The following ZNF584 variants were observed in gnomAD, a reference collection of about 807,000 sequenced individuals.
ZNF584 encodes zinc finger protein 584.
ZNF584 carries 12 observed loss-of-function variants against 14.7 expected under a neutral mutation model. The observed-to-expected ratio is 0.82, with a 90% CI of 0.52 to 1.32. ZNF584 has a LOEUF of 1.32. Among genes scored for constraint, ZNF584 ranks in the 40% most tolerant of loss-of-function variants. The pLI is 0.00. For missense variants in ZNF584, 478 were observed against 518.8 expected, an observed-to-expected ratio of 0.92 and a Z score of 0.76; for synonymous variants, 204 against 190.9, an observed-to-expected ratio of 1.07 and a Z score of -0.57.
intron 2 of ZNF584, among the ~76,000 whole-genome samples, chr19:58,414,669 G>A (rs932024932): frequency 6.6e-6 from 1 of 152,050 alleles, no homozygotes; most frequent in African/African-American, 2.4e-5. Flanking sequence ...CTAGCAAATG[G>A]TATGTTCTGA....
At chr19:58,401,885 CAAAAAAA>C (rs781429177) in intron 1 of ZNF584, among the ~76,000 whole-genome samples, 1 of 67,038 alleles carries the variant, frequency 1.5e-5, no homozygotes, top group African/African-American at 6.8e-5. Flanking sequence ...TGAGACTCCT[CAAAAAAA>C]AAAAAAAAAA....
intron 2 of ZNF584, among the ~76,000 whole-genome samples, chr19:58,413,391 G>A (rs1358937218): frequency 2.0e-5 from 3 of 150,876 alleles, no homozygotes; most frequent in Admixed American, 6.6e-5. Flanking sequence ...TGTTGCCCAC[G>A]CTGGAATGCA....
At chr19:58,411,086 G>A (rs1290251564) in intron 2 of ZNF584, among the ~76,000 whole-genome samples, 1 of 151,584 alleles carries the variant, frequency 6.6e-6, no homozygotes, top group Non-Finnish European at 1.5e-5. Flanking sequence ...CACTGCGCCT[G>A]GCCACAAAGG....
Position 58,417,369 on chromosome 19 carries a change from C to T in ZNF584, c.851C>T (p.Thr284Ile). The T allele has an allele frequency of 6.2e-7, 1 of 1,613,966 alleles. No individual in the cohort carries two copies. Among genetic ancestry groups the T allele is most frequent in the Non-Finnish European group, 8.5e-7 (1 of 1,179,908 alleles). ...KCGKTFSVLS[T>I]LIRHRKVHIG... is the part of the protein sequence containing the mutation. Reference sequence around the variant, plus strand: ...GGTAAAACCTTCAGTGTTCTGTCTACCCTCATTCGGCACCGGAAAGTGCAC... The same window carrying T: ...GGTAAAACCTTCAGTGTTCTGTCTATCCTCATTCGGCACCGGAAAGTGCAC... Residue 284 changes from threonine to isoleucine, a missense_variant, in exon 4 of 4, where the codon ACC (threonine) becomes ATC (isoleucine). By Grantham distance (89) the Thr-to-Ile change is moderately conservative. Around this residue, in one of 3 missense-constraint regions of ZNF584, gnomAD observed 283 missense variants for 317.3 expected, o/e 0.89. Transcript: ENST00000306910.
intron 2 of ZNF584, among the ~76,000 whole-genome samples, chr19:58,415,058 GA>G (rs1160552802): frequency 3.5e-5 from 4 of 113,308 alleles, no homozygotes; most frequent in African/African-American, 1.1e-4. Context: ...ACATCCGCCT[GA>G]TTTTTTTGTA....
Position 58,418,067 on chromosome 19 carries a change from G to T in ZNF584, c.*283G>T. On this transcript the variant is annotated 3_prime_UTR_variant, in exon 4 of 4. Coordinates refer to ENST00000306910, the MANE Select transcript of ZNF584 (RefSeq NM_173548.3). Reference sequence around the variant, plus strand: ...TGGGACAGCAGACCTTGTGCTCCTTGCTCTAAACAGTAGAGAATCGTTAAT... The same window carrying T: ...TGGGACAGCAGACCTTGTGCTCCTTTCTCTAAACAGTAGAGAATCGTTAAT... The T allele has an allele frequency of 2.3e-6, 1 of 430,180 alleles. No homozygotes were observed. The highest frequency in any genetic ancestry group is 4.2e-6 in the Non-Finnish European group (1 of 237,952). 26.6% of individuals were successfully genotyped at this position (430,180 alleles called of 1,614,324 possible). A position where few individuals can be genotyped will look rare whatever the true frequency, so the allele number is the denominator to read the frequency against.
At position 58,417,571 on chromosome 19, in the gene ZNF584, A is replaced by C; in HGVS notation, c.1053A>C (p.Glu351Asp). 1 of 1,614,218 alleles carries C rather than the reference A, an allele frequency of 6.2e-7. No homozygotes were observed. Among genetic ancestry groups the C allele is most frequent in the Non-Finnish European group, 8.5e-7 (1 of 1,180,034 alleles). The change falls in exon 4 of 4, where the codon GAA (glutamate) becomes GAC (aspartate). Residue 351 changes from glutamate (E) to aspartate (D), a missense_variant. Transcript: ENST00000306910. The stretch of plus-strand genomic sequence containing the variant: ...AGCACTGGAAAGTCCACACTGGGGA[A>C]CGGCCCTATGAATGTAGCCTGTGTG... The part of the protein sequence containing the change: ...LYQHWKVHTG[E>D]RPYECSLCGK...
At chr19:58,416,562 C>T (rs536174809) in intron 3 of ZNF584, 2 of 336,990 alleles carry the variant, frequency 5.9e-6, no homozygotes, top group Non-Finnish European at 1.1e-5. Flanking sequence ...ATCACCACAC[C>T]CGGCTAATTT....
Position 58,415,518 on chromosome 19 carries a change from C to G in ZNF584, c.170-6C>G. 2 of 1,609,682 alleles carry G rather than the reference C, an allele frequency of 1.2e-6. No individual in the cohort carries two copies. The highest frequency in any genetic ancestry group is 1.7e-6 in the Non-Finnish European group (2 of 1,176,594). On this transcript the variant is annotated splice_region_variant and splice_polypyrimidine_tract_variant and intron_variant, in intron 2 of 3. Transcript: ENST00000306910. ...GCCTGTTTCTTTTACTACCTGTCAC[C>G]CGCAGGACTTGCACCTTCGAGATCC...
Position 58,415,506 on chromosome 19 carries a change from A to G in ZNF584, c.170-18A>G, listed in dbSNP as rs1156484990. On this transcript the variant is annotated intron_variant, in intron 2 of 3. Transcript: ENST00000306910. ...CCACCATGCCCAGCCTGTTTCTTTT[A>G]CTACCTGTCACCCGCAGGACTTGCA... The G allele has an allele frequency of 1.2e-6, 2 of 1,604,646 alleles. No individual in the cohort carries two copies. The highest frequency in any genetic ancestry group is 2.7e-5 in the African/African-American group (2 of 74,716).
Position 58,409,013 on chromosome 19 carries a change from C to G in ZNF584, c.-135C>G, listed in dbSNP as rs1403005282. On this transcript the variant is annotated 5_prime_UTR_variant, in exon 1 of 4. Coordinates refer to ENST00000306910, the MANE Select transcript of ZNF584 (RefSeq NM_173548.3). ...CCCAGCGGCTCCGGGAAGCGGTTCCCTGTCTTCGGACGCATTTCACCCGCG... is the reference window on the plus strand; with the variant it reads ...CCCAGCGGCTCCGGGAAGCGGTTCCGTGTCTTCGGACGCATTTCACCCGCG... 3.4e-6 allele frequency: 4 copies of G among 1,177,352 alleles called. No homozygotes were observed. In the South Asian group the frequency reaches 7.0e-5, roughly 21 times the overall value. 72.9% of individuals were successfully genotyped at this position (1,177,352 alleles called of 1,614,324 possible). A position where few individuals can be genotyped will look rare whatever the true frequency, so the allele number is the denominator to read the frequency against.
chr19:58,401,626 A>AC (rs900116605), exon 1 of ZNF584: 3 of 151,734 alleles, frequency 2.0e-5, no homozygotes, highest in African/African-American at 7.3e-5. Flanking sequence ...AGGCTGCGGG[A>AC]CCCCAGGATG....
chr19:58,411,106 C>G (rs115001274), intron 2 of ZNF584, among the ~76,000 whole-genome samples: 1 of 151,516 alleles, frequency 6.6e-6, no homozygotes, highest in Non-Finnish European at 1.5e-5. Context: ...GTACTTCTTT[C>G]GTTAAATTTA....
chr19:58,404,560 A>C (rs368932885), upstream of ZNF584: 5 of 184,598 alleles, frequency 2.7e-5, no homozygotes, highest in South Asian at 3.5e-4. Context: ...GTAAGGTCAC[A>C]GATCAACAGG....
At chr19:58,403,495 C>A (rs1276054730) in intron 1 of ZNF584, among the ~76,000 whole-genome samples, 1 of 127,880 alleles carries the variant, frequency 7.8e-6, no homozygotes, top group Non-Finnish European at 1.6e-5. Flanking sequence ...AAAGCAGTGA[C>A]TGCCAGGGAC....
chr19:58,401,763 C>T (rs1288062166), intron 1 of ZNF584: 1 of 150,688 alleles, frequency 6.6e-6, no homozygotes, highest in Non-Finnish European at 1.5e-5. Flanking sequence ...GTCCCCGGCC[C>T]CGCGGGCTTA....
upstream of ZNF584, chr19:58,404,970 C>G (rs377112818): frequency 6.7e-6 from 1 of 148,942 alleles, no homozygotes; most frequent in Admixed American, 6.8e-5. Flanking sequence ...ACCTCCCGGA[C>G]GGGGTGGCTG....
chr19:58,404,099 C>T (rs147382840), upstream of ZNF584: 2 of 152,362 alleles, frequency 1.3e-5, no homozygotes, highest in East Asian at 3.9e-4. Flanking sequence ...TGGAATCAAA[C>T]TGTAGCACTG....
intron 1 of ZNF584, among the ~76,000 whole-genome samples, chr19:58,403,451 GACATTCTGGA>G (rs1321250626): frequency 7.2e-6 from 1 of 138,102 alleles, no homozygotes. Flanking sequence ...ACAAGTTTAT[GACATTCTGGA>G]AAAGGTAAAG....
Sources: allele counts gnomAD v4.1 joint callset (sites outside exome capture counted in the v4.1 genomes callset), GRCh38; gene constraint gnomAD v4.1.1; regional missense constraint gnomAD v4.1.1; transcripts MANE v1.5; gene names NCBI Gene and HGNC (gene_info 2026-07-23, HGNC 2026-07-21).